The following LRRTM4 variants were observed in gnomAD, a reference collection of about 807,000 sequenced individuals.
LRRTM4 encodes the protein leucine-rich repeat transmembrane neuronal protein 4.
Under a neutral mutation model 47.6 loss-of-function variants are expected in LRRTM4, and 25 were observed. The observed-to-expected ratio is 0.53, with a 90% CI of 0.38 to 0.73. The LOEUF is 0.73. Ranked by LOEUF, LRRTM4 falls within the 30% of genes least tolerant of loss-of-function variation. LRRTM4 has a pLI of 0.00. For synonymous variants in LRRTM4, 311 were observed against 269.5 expected, an observed-to-expected ratio of 1.15 and a Z score of -1.51; for missense variants, 638 against 713.4, an observed-to-expected ratio of 0.89 and a Z score of 1.20.
chr2:77,419,132 T>TAA, intron 3 of LRRTM4, among the ~76,000 whole-genome samples: 1 of 152,332 alleles, frequency 6.6e-6, no homozygotes, highest in African/African-American at 2.4e-5. Flanking sequence ...AGTGAACACA[T>TAA]AAATACATTA....
intron 3 of LRRTM4, among the ~76,000 whole-genome samples, chr2:77,342,526 T>C (rs1363471159): frequency 2.6e-5 from 4 of 152,006 alleles, no homozygotes; most frequent in Non-Finnish European, 5.9e-5. Flanking sequence ...TGCCAATTCA[T>C]AACTGTTAGA....
At chr2:76,984,075 G>C (rs558280759) in intron 3 of LRRTM4, among the ~76,000 whole-genome samples, 1 of 151,944 alleles carries the variant, frequency 6.6e-6, no homozygotes, top group African/African-American at 2.4e-5. Context: ...CCTAAACAAT[G>C]ATGAATTATT....
intron 3 of LRRTM4, among the ~76,000 whole-genome samples, chr2:77,445,102 A>G (rs1299106170): frequency 6.6e-6 from 1 of 151,940 alleles, no homozygotes; most frequent in Non-Finnish European, 1.5e-5. Flanking sequence ...CATCTTCTAT[A>G]AGGCAATTGT....
At chr2:77,195,784 T>A (rs958122092) in intron 3 of LRRTM4, among the ~76,000 whole-genome samples, 4 of 152,170 alleles carry the variant, frequency 2.6e-5, no homozygotes, top group African/African-American at 9.7e-5. Context: ...ACATAATTAA[T>A]CATCCATATA....
intron 3 of LRRTM4, among the ~76,000 whole-genome samples, chr2:77,486,199 T>C (rs1038775407): frequency 4.6e-5 from 7 of 152,216 alleles, no homozygotes; most frequent in Non-Finnish European, 8.8e-5. Context: ...TCCAATTCAA[T>C]AAAGCATTGT....
intron 3 of LRRTM4, among the ~76,000 whole-genome samples, chr2:77,415,134 A>T (rs981553823): frequency 3.3e-5 from 5 of 152,212 alleles, no homozygotes; most frequent in African/African-American, 1.2e-4. Context: ...AAATTACTTA[A>T]GAAGACATAA....
At chr2:76,934,922 G>C (rs1674890765) in intron 3 of LRRTM4, among the ~76,000 whole-genome samples, 2 of 151,686 alleles carry the variant, frequency 1.3e-5, no homozygotes. Flanking sequence ...TAAAACTTTG[G>C]AAAGTACTTA....
chr2:77,385,769 A>G (rs1193582489), intron 3 of LRRTM4, among the ~76,000 whole-genome samples: 7 of 99,090 alleles, frequency 7.1e-5, no homozygotes, highest in Non-Finnish European at 9.2e-5. Flanking sequence ...TTTTTTTGAG[A>G]TGGAGTCTCA....
intron 3 of LRRTM4, among the ~76,000 whole-genome samples, chr2:77,131,167 C>T (rs1217192215): frequency 2.6e-5 from 4 of 152,052 alleles, no homozygotes; most frequent in Non-Finnish European, 5.9e-5. Flanking sequence ...TATTTTCGTA[C>T]GTATAACACA....
chr2:77,178,449 G>T (rs1673258506), intron 3 of LRRTM4, among the ~76,000 whole-genome samples: 1 of 152,074 alleles, frequency 6.6e-6, no homozygotes, highest in South Asian at 2.1e-4. Flanking sequence ...AGCCAGGCGT[G>T]GTGGCGCGTG....
chr2:77,433,883 A>G (rs540145140), intron 3 of LRRTM4, among the ~76,000 whole-genome samples: 37 of 152,306 alleles, frequency 2.4e-4, no homozygotes, highest in Non-Finnish European at 4.4e-4. Context: ...AATTCTGTTT[A>G]GGAATAGGTC....
chr2:77,209,500 T>A (rs139535990), intron 3 of LRRTM4, among the ~76,000 whole-genome samples: 191 of 152,170 alleles, frequency 1.3e-3, no homozygotes, highest in African/African-American at 4.4e-3. Flanking sequence ...CAATTCTTGG[T>A]TGCAGTAGTG....
At position 77,190,237 on chromosome 2, in the gene LRRTM4, G is replaced by T. The variant is rs987481679; in HGVS notation, c.1551+328081C>A. Among the ~76,000 whole-genome samples, 3 of 150,888 alleles carry T rather than the reference G, an allele frequency of 2.0e-5. No homozygotes were observed. The South Asian group carries it at 6.3e-4, about 31-fold the overall frequency. The stretch of plus-strand genomic sequence containing the variant: ...TCATTTGTATATTGGTTGGAGATGG[G>T]GCCCATAACTAATATTTTTGCATCC... On this transcript the variant is annotated intron_variant, in intron 3 of 3. Transcript: ENST00000409884.
chr2:76,830,565 A>C (rs1273140494), intron 3 of LRRTM4, among the ~76,000 whole-genome samples: 2 of 150,710 alleles, frequency 1.3e-5, no homozygotes, highest in Admixed American at 6.6e-5. Flanking sequence ...CTAGTGACCC[A>C]GGGAGCATAA....
intron 3 of LRRTM4, among the ~76,000 whole-genome samples, chr2:77,409,229 CT>C (rs1204257741): frequency 3.2e-4 from 49 of 151,040 alleles, no homozygotes; most frequent in Non-Finnish European, 5.0e-4. Context: ...TTTTTTTTGT[CT>C]TTGTCTTAAT....
chr2:76,823,872 T>C (rs1417357000), intron 3 of LRRTM4, among the ~76,000 whole-genome samples: 1 of 151,528 alleles, frequency 6.6e-6, no homozygotes, highest in East Asian at 1.9e-4. Context: ...AAATAAAACA[T>C]AAGAACATGC....
intron 3 of LRRTM4, among the ~76,000 whole-genome samples, chr2:77,173,351 G>T (rs772308799): frequency 1.3e-5 from 2 of 152,010 alleles, no homozygotes; most frequent in Non-Finnish European, 2.9e-5. Flanking sequence ...TTTTATTTTT[G>T]ATCTCCTCAT....
chr2:76,982,286 A>G (rs933446485), intron 3 of LRRTM4, among the ~76,000 whole-genome samples: 2 of 152,032 alleles, frequency 1.3e-5, no homozygotes, highest in African/African-American at 2.4e-5. Context: ...AAATTTCTAG[A>G]AAGTTTCCGT....
chr2:76,899,712 T>C (rs879693246), intron 3 of LRRTM4, among the ~76,000 whole-genome samples: 4 of 152,178 alleles, frequency 2.6e-5, no homozygotes, highest in Admixed American at 6.6e-5. Context: ...TTATTACGTA[T>C]GCATTTACAA....
Sources: gnomAD v4.1 joint callset for allele counts (sites outside exome capture counted in the v4.1 genomes callset) on GRCh38, gnomAD v4.1.1 for gene constraint, MANE v1.5 for transcripts, NCBI Gene and HGNC (gene_info 2026-07-23, HGNC 2026-07-21) for gene names.